Variants in MEOX1 observed in about 807,000 individuals in gnomAD.
The protein encoded by MEOX1 is homeobox protein MOX-1.
A neutral mutation model predicts 23.2 loss-of-function variants in MEOX1; 17 were observed. That is an observed-to-expected ratio of 0.73 (90% confidence interval 0.50 to 1.10). The LOEUF (loss-of-function observed/expected upper bound fraction) is 1.10, where lower values mean the gene tolerates loss of function less well. Among genes scored for constraint, MEOX1 ranks in the 50% least tolerant of loss-of-function variants. MEOX1 has a pLI of 0.00. For synonymous variants in MEOX1, 134 were observed against 135.1 expected, an observed-to-expected ratio of 0.99 and a Z score of 0.06; for missense variants, 333 against 332.2, an observed-to-expected ratio of 1.00 and a Z score of -0.02.
rs761300832 is a variant in MEOX1 at position 43,661,483 on chromosome 17, C to T, written c.52G>A (p.Val18Ile). The change falls in exon 1 of 3, where the codon GTC becomes ATC. Residue 18 changes from valine to isoleucine, a missense_variant. Coordinates refer to ENST00000318579, the MANE Select transcript of MEOX1 (RefSeq NM_004527.4). ...CMRSLQPPAP[V>I]WGCLRNPHSE... ...TGGGGGTTTCGAAGGCAGCCCCAGA[C>T]AGGGGCTGGGGGCTGGAGGCTCCTC... 3 of 1,607,244 alleles carry T rather than the reference C, an allele frequency of 1.9e-6. No individual in the cohort carries two copies. The highest frequency in any genetic ancestry group is 1.1e-5 in the South Asian group (1 of 89,952).
chr17:43,655,660 TAA>T (rs57762377), intron 1 of MEOX1, among the ~76,000 whole-genome samples: 15,865 of 75,598 alleles, frequency 0.21, 1,265 homozygotes, highest in South Asian at 0.35. Flanking sequence ...CCTGTCTTTC[TAA>T]AAAAAAAAAA....
intron 1 of MEOX1, among the ~76,000 whole-genome samples, chr17:43,657,024 TTCTTTCTTTCTTTC>T (rs1973037804): frequency 7.9e-6 from 1 of 126,800 alleles, no homozygotes; most frequent in Non-Finnish European, 1.7e-5. Context: ...CTTTCTTTCT[TTCTTTCTTTCTTTC>T]TTTCTTTCTT....
intron 1 of MEOX1, among the ~76,000 whole-genome samples, chr17:43,646,723 C>T (rs936759584): frequency 3.3e-5 from 5 of 152,250 alleles, no homozygotes; most frequent in Non-Finnish European, 7.3e-5. Context: ...CGCCTGTAAT[C>T]CCAGCACTTT....
intron 1 of MEOX1, among the ~76,000 whole-genome samples, chr17:43,644,999 G>C (rs1242347094): frequency 6.6e-6 from 1 of 152,108 alleles, no homozygotes; most frequent in Non-Finnish European, 1.5e-5. Flanking sequence ...TGAGCAGACG[G>C]GTGGGAGGCA....
At chr17:43,642,080 C>T in intron 2 of MEOX1, 48 bp from the exon 3 acceptor site, 1 of 1,576,736 alleles carries the variant, frequency 6.3e-7, no homozygotes, top group Non-Finnish European at 8.6e-7. Context: ...CCGGTGTGAC[C>T]TCCTCCCCAT....
At chr17:43,644,030 C>G (rs1280918133) in intron 1 of MEOX1, among the ~76,000 whole-genome samples, 7 of 152,160 alleles carry the variant, frequency 4.6e-5, no homozygotes, top group Non-Finnish European at 8.8e-5. Flanking sequence ...TAAAACAAAG[C>G]CTCAAACTAT....
intron 1 of MEOX1, among the ~76,000 whole-genome samples, chr17:43,657,059 C>CTTTCTTTCTTTCTTTCT (rs1567748423): frequency 4.1e-5 from 2 of 48,420 alleles, no homozygotes; most frequent in South Asian, 8.3e-4. Flanking sequence ...TCTTTCTTTC[C>CTTTCTTTCTTTCTTTCT]TTCCTTCCTT....
intron 1 of MEOX1, among the ~76,000 whole-genome samples, chr17:43,655,300 G>A (rs568682627): frequency 7.9e-5 from 12 of 151,436 alleles, no homozygotes; most frequent in African/African-American, 2.7e-4. Context: ...GTGAAACCCC[G>A]TCTCTATTAA....
chr17:43,657,059 C>T (rs3890902), intron 1 of MEOX1, among the ~76,000 whole-genome samples: 5,230 of 45,670 alleles, frequency 0.11, 189 homozygotes, highest in African/African-American at 0.19. Context: ...TCTTTCTTTC[C>T]TTCCTTCCTT....
chr17:43,651,609 A>G (rs545437934), intron 1 of MEOX1, among the ~76,000 whole-genome samples: 34 of 152,124 alleles, frequency 2.2e-4, no homozygotes, highest in Admixed American at 4.6e-4. Flanking sequence ...CAGGGAGCCA[A>G]ATTGGGTGAG....
intron 1 of MEOX1, among the ~76,000 whole-genome samples, chr17:43,659,143 G>A (rs1973094924): frequency 6.6e-6 from 1 of 152,170 alleles, no homozygotes; most frequent in Non-Finnish European, 1.5e-5. Context: ...TTCTGCCTGA[G>A]CCCAGCAGGC....
rs781155991 is a variant in MEOX1 at position 43,641,610 on chromosome 17, C to T, written c.*300G>A. 13 of 248,268 alleles carry T rather than the reference C, an allele frequency of 5.2e-5. No homozygotes were observed. The highest frequency in any genetic ancestry group is 2.0e-4 in the Admixed American group (4 of 19,528). 15.4% of individuals were successfully genotyped at this position (248,268 alleles called of 1,614,324 possible). Reference sequence around the variant, plus strand: ...GGAGGCATGGGTGGCAGCCAAGAGACGCTGAGAAGCAGTATCTCTGAAGCT... The same window carrying T: ...GGAGGCATGGGTGGCAGCCAAGAGATGCTGAGAAGCAGTATCTCTGAAGCT... On this transcript the variant is annotated 3_prime_UTR_variant, in exon 3 of 3. Transcript: ENST00000318579.
At position 43,659,998 on chromosome 17, in the gene MEOX1, CCTT is replaced by C. The variant is rs530218156; in HGVS notation, c.469+1065_469+1067del. ...AGCATTCCCACCTGTTGGTTGGTGTCCTTCTTTTCTGTCCTGCCCTGGTTAGCC... is the reference window on the plus strand; with the variant it reads ...AGCATTCCCACCTGTTGGTTGGTGTCCTTTTCTGTCCTGCCCTGGTTAGCC... On this transcript the variant is annotated intron_variant, in intron 1 of 2. Coordinates refer to ENST00000318579, the MANE Select transcript of MEOX1 (RefSeq NM_004527.4). Among the ~76,000 whole-genome samples the C allele has an allele frequency of 2.2e-3, 335 of 152,338 alleles. 1 individual carries two copies. The highest frequency in any genetic ancestry group is 7.4e-3 in the African/African-American group (309 of 41,578).
At chr17:43,642,147 C>G (rs1162432315) in intron 2 of MEOX1, 115 bp from the exon 3 acceptor site, 4 of 1,107,792 alleles carry the variant, frequency 3.6e-6, no homozygotes, top group Non-Finnish European at 5.2e-6. Context: ...GAAACCATCA[C>G]TTACCACTCC....
chr17:43,648,746 C>T (rs1247032945), intron 1 of MEOX1, among the ~76,000 whole-genome samples: 1 of 152,196 alleles, frequency 6.6e-6, no homozygotes, highest in East Asian at 1.9e-4. Context: ...TCCAACTTCA[C>T]GTATTCTTGT....
chr17:43,661,481 G>C lies in MEOX1; in HGVS notation c.54C>G (p.Val18=). ...CMRSLQPPAP[V]WGCLRNPHSE... is the part of the protein sequence containing the mutation. ...AGTGGGGGTTTCGAAGGCAGCCCCA[G>C]ACAGGGGCTGGGGGCTGGAGGCTCC... Residue 18 remains valine, a synonymous_variant, in exon 1 of 3, where the codon GTC becomes GTG. Coordinates refer to ENST00000318579, the MANE Select transcript of MEOX1 (RefSeq NM_004527.4). The C allele has an allele frequency of 6.2e-7, 1 of 1,607,668 alleles. No individual in the cohort carries two copies. Among genetic ancestry groups the C allele is most frequent in the Non-Finnish European group, 8.5e-7 (1 of 1,178,216 alleles).
intron 1 of MEOX1, among the ~76,000 whole-genome samples, chr17:43,659,008 C>G (rs1333286463): frequency 2.6e-5 from 4 of 152,230 alleles, no homozygotes; most frequent in Non-Finnish European, 4.4e-5. Context: ...CCGAGGGTGT[C>G]CCTGTACTCC....
rs527749351 is a variant in MEOX1 at position 43,646,233 on chromosome 17, A to G, written c.470-2573T>C. 5.7e-3 allele frequency among the ~76,000 whole-genome samples: 871 copies of G among 152,202 alleles called. 6 individuals carry two copies. The highest frequency in any genetic ancestry group is 0.019 in the African/African-American group (795 of 41,572). On this transcript the variant is annotated intron_variant, in intron 1 of 2. Coordinates refer to ENST00000318579, the MANE Select transcript of MEOX1 (RefSeq NM_004527.4). ...CTCCGGAAGCGGGAGCGTGGGCAGCAGGGAAGGACGCGCAGCCCCGGGCCG... is the reference window on the plus strand; with the variant it reads ...CTCCGGAAGCGGGAGCGTGGGCAGCGGGGAAGGACGCGCAGCCCCGGGCCG...
chr17:43,661,217 G>T lies in MEOX1; in HGVS notation c.318C>A (p.Asn106Lys). 1.9e-6 allele frequency: 3 copies of T among 1,609,852 alleles called. No homozygotes were observed. The highest frequency in any genetic ancestry group is 2.5e-6 in the Non-Finnish European group (3 of 1,177,774). Reference sequence around the variant, plus strand: ...CCTTGGAACCCCCTGCCGGGCCTGAGTTGGGCCTGCGCCGGGCGTCTGAGA... The same window carrying T: ...CCTTGGAACCCCCTGCCGGGCCTGATTTGGGCCTGCGCCGGGCGTCTGAGA... Reference protein sequence around the residue: ...FPVSDARRRPNSGPAGGSKEM... With the variant: ...FPVSDARRRPKSGPAGGSKEM... The change falls in exon 1 of 3, where the codon AAC becomes AAA. Residue 106 changes from asparagine (N) to lysine (K), a missense_variant. Physicochemically the swap from Asn to Lys is moderately conservative, Grantham distance 94. Coordinates refer to ENST00000318579, the MANE Select transcript of MEOX1 (RefSeq NM_004527.4).
Sources: gnomAD v4.1 joint callset for allele counts (sites outside exome capture counted in the v4.1 genomes callset) on GRCh38, gnomAD v4.1.1 for gene constraint, MANE v1.5 for transcripts, NCBI Gene and HGNC (gene_info 2026-07-23, HGNC 2026-07-21) for gene names.